SRFBP1: variants seen among roughly 807,000 people sequenced by gnomAD.
SRFBP1 encodes serum response factor binding protein 1, also known as serum response factor-binding protein 1.
Under a neutral mutation model 45.5 loss-of-function variants are expected in SRFBP1, and 47 were observed. That is an observed-to-expected ratio of 1.03 (90% confidence interval 0.82 to 1.32). The LOEUF (loss-of-function observed/expected upper bound fraction) is 1.32, where lower values mean the gene tolerates loss of function less well. Ranked by LOEUF, SRFBP1 falls within the 40% of genes most tolerant of loss-of-function variation. The probability of loss-of-function intolerance (pLI) is 0.00; values close to 1 mark genes in which losing one functional copy is unlikely to be tolerated. For synonymous variants in SRFBP1, 203 were observed against 166.3 expected (o/e 1.22, Z -1.70); for missense variants, 621 against 484.6 (o/e 1.28, Z -2.64).
At chr5:122,006,018 A>G (rs1752965320) in intron 4 of SRFBP1, among the ~76,000 whole-genome samples, 5 of 152,134 alleles carry the variant, frequency 3.3e-5, no homozygotes, top group Admixed American at 6.5e-5. Flanking sequence ...TTTTAGTGTT[A>G]AAATTAGTGT....
chr5:122,017,759 A>T (rs985454339), intron 4 of SRFBP1, among the ~76,000 whole-genome samples: 3 of 152,214 alleles, frequency 2.0e-5, no homozygotes, highest in African/African-American at 7.2e-5. Flanking sequence ...TGGTATTCGT[A>T]CATTTATAAT....
chr5:122,039,140 CTGTATCTCTCA>C (rs1289975904), intron 2 of SRFBP1, among the ~76,000 whole-genome samples: 1 of 152,220 alleles, frequency 6.6e-6, no homozygotes, highest in Admixed American at 6.5e-5. Context: ...GGTGTGTCCT[CTGTATCTCTCA>C]TATTCCGTAA....
At chr5:122,001,035 A>T (rs975236666) in intron 4 of SRFBP1, among the ~76,000 whole-genome samples, 1 of 152,094 alleles carries the variant, frequency 6.6e-6, no homozygotes. Flanking sequence ...TACTTCAATG[A>T]GATCACCATT....
intron 2 of SRFBP1, among the ~76,000 whole-genome samples, chr5:122,043,036 TTCA>T (rs940706745): frequency 8.5e-5 from 13 of 152,208 alleles, no homozygotes; most frequent in African/African-American, 3.1e-4. Context: ...AGTTTCTGTG[TTCA>T]TCAATTTTTC....
intron 2 of SRFBP1, among the ~76,000 whole-genome samples, chr5:122,069,447 G>A (rs1754390571): frequency 6.6e-6 from 1 of 152,102 alleles, no homozygotes; most frequent in South Asian, 2.1e-4. Context: ...TTTCATCAGA[G>A]CACCTCCCTG....
chr5:122,061,226 A>G (rs558001564), intron 2 of SRFBP1, among the ~76,000 whole-genome samples: 30 of 151,828 alleles, frequency 2.0e-4, no homozygotes, highest in Non-Finnish European at 4.1e-4. Context: ...TTTCAAACAA[A>G]CGATCTCTTA....
rs573977919 is a variant in SRFBP1, at chr5:122,063,957, C to G, written n.312-11358C>G. On this transcript the variant is annotated intron_variant and non_coding_transcript_variant, in intron 2 of 2. Coordinates refer to the SRFBP1 transcript ENST00000504881. ...TATTCTATAAAAATATACAGATTTTCTGGAAATAGGCAAGTTGTATTCTCA... is the reference window on the plus strand; with the variant it reads ...TATTCTATAAAAATATACAGATTTTGTGGAAATAGGCAAGTTGTATTCTCA... 4 of 151,992 alleles carry G rather than the reference C, an allele frequency of 2.6e-5. No individual in the cohort carries two copies. The East Asian group carries it at 7.7e-4, about 29-fold the overall frequency. The allele number at this position is 151,992 out of a possible 1,614,324, so 9.4% of individuals were successfully genotyped here.
Position 122,019,382 on chromosome 5 carries a change from T to C in SRFBP1, c.352+41T>C. 3 of 1,481,988 alleles carry C rather than the reference T, an allele frequency of 2.0e-6. No homozygotes were observed. The Admixed American group carries it at 5.8e-5, about 29-fold the overall frequency. The allele number at this position is 1,481,988 out of a possible 1,614,324, so 91.8% of individuals were successfully genotyped here. A position where few individuals can be genotyped will look rare whatever the true frequency, so the allele number is the denominator to read the frequency against. Reference sequence around the variant, plus strand: ...CTTTTAAGCCATGTACTTAATGTATTTGTAGACTTTGGATAATGGCTATTC... The same window carrying C: ...CTTTTAAGCCATGTACTTAATGTATCTGTAGACTTTGGATAATGGCTATTC... On this transcript the variant is annotated intron_variant, in intron 5 of 7. Coordinates refer to ENST00000339397, the MANE Select transcript of SRFBP1 (RefSeq NM_152546.3).
At position 122,069,068 on chromosome 5, in the gene SRFBP1, A is replaced by G. The variant is rs558589343; in HGVS notation, n.312-6247A>G. Among the ~76,000 whole-genome samples the G allele has an allele frequency of 2.6e-5, 4 of 152,200 alleles. No individual in the cohort carries two copies. In the South Asian group the frequency reaches 6.2e-4, roughly 24 times the overall value. On this transcript the variant is annotated intron_variant and non_coding_transcript_variant, in intron 2 of 2. Coordinates refer to the SRFBP1 transcript ENST00000504881. ...GTTTTTTCAGTGCTATCCTTTTGCT[A>G]TCACAGGCTTCATCTATCTCTAATG...
intron 2 of SRFBP1, among the ~76,000 whole-genome samples, chr5:122,069,670 T>C (rs1336443738): frequency 2.6e-5 from 4 of 152,096 alleles, no homozygotes. Flanking sequence ...AAATGTACTT[T>C]GAAGAACCCT....
chr5:122,024,589 T>A (rs1753434217), intron 7 of SRFBP1, among the ~76,000 whole-genome samples: 1 of 152,162 alleles, frequency 6.6e-6, no homozygotes, highest in Admixed American at 6.5e-5. Flanking sequence ...TTACTCACAT[T>A]TTATTGGCCA....
chr5:121,987,049 G>A (rs1379152292), intron 3 of SRFBP1, among the ~76,000 whole-genome samples: 13 of 152,072 alleles, frequency 8.5e-5, no homozygotes, highest in Admixed American at 7.2e-4. Flanking sequence ...TCTGTATTCC[G>A]AATGGTGATA....
chr5:121,999,158 A>G (rs1752801485), intron 4 of SRFBP1, among the ~76,000 whole-genome samples: 1 of 152,100 alleles, frequency 6.6e-6, no homozygotes, highest in Non-Finnish European at 1.5e-5. Context: ...GCATCTCATA[A>G]ATTTTGTTAT....
chr5:121,999,106 G>A (rs1051019787), intron 4 of SRFBP1, among the ~76,000 whole-genome samples: 3 of 152,042 alleles, frequency 2.0e-5, no homozygotes, highest in Admixed American at 6.6e-5. Flanking sequence ...TCTAATAAAA[G>A]CATTTAATGC....
chr5:122,023,348 T>C (rs1753401217), intron 7 of SRFBP1, among the ~76,000 whole-genome samples: 1 of 152,162 alleles, frequency 6.6e-6, no homozygotes, highest in Non-Finnish European at 1.5e-5. Context: ...TGCATCTAGC[T>C]CAAAGTCCAG....
chr5:122,011,060 G>T (rs746258895), intron 4 of SRFBP1, among the ~76,000 whole-genome samples: 7 of 152,022 alleles, frequency 4.6e-5, no homozygotes, highest in Admixed American at 2.0e-4. Flanking sequence ...TGAATATGTG[G>T]ATTTATGTCA....
chr5:122,032,322 T>C (rs1753603315), downstream of SRFBP1, among the ~76,000 whole-genome samples: 1 of 151,974 alleles, frequency 6.6e-6, no homozygotes, highest in African/African-American at 2.4e-5. Flanking sequence ...AAGTCAGAGC[T>C]ACACAAAATA....
intron 2 of SRFBP1, among the ~76,000 whole-genome samples, chr5:122,037,572 T>G (rs995083360): frequency 6.6e-6 from 1 of 152,204 alleles, no homozygotes; most frequent in African/African-American, 2.4e-5. Context: ...GGCGTAATCA[T>G]AGCTAACTGC....
chr5:122,029,998 T>C (rs1561598724), downstream of SRFBP1, among the ~76,000 whole-genome samples: 3 of 152,172 alleles, frequency 2.0e-5, no homozygotes, highest in Admixed American at 2.0e-4. Flanking sequence ...AGTTCAACCT[T>C]AGAATACATA....
Sources: gnomAD v4.1 joint callset for allele counts (sites outside exome capture counted in the v4.1 genomes callset) on GRCh38, gnomAD v4.1.1 for gene constraint, MANE v1.5 for transcripts, NCBI Gene and HGNC (gene_info 2026-07-23, HGNC 2026-07-21) for gene names.